Variants in SMARCA4 observed in about 807,000 individuals in gnomAD.
The protein encoded by SMARCA4 is SWI/SNF related BAF chromatin remodeling complex subunit ATPase 4.
In SMARCA4, 31 loss-of-function variants were observed where a neutral mutation model predicts 193.9. That is an observed-to-expected ratio of 0.16 (90% CI 0.12 to 0.22). SMARCA4 has a LOEUF of 0.22. Among genes scored for constraint, SMARCA4 ranks in the 10% least tolerant of loss-of-function variants. SMARCA4 has a pLI of 1.00. For missense variants in SMARCA4, 1,148 were observed against 2,296.0 expected (o/e 0.50, Z 10.22); for synonymous variants, 942 against 933.1 (o/e 1.01, Z -0.17).
rs2085955890 is a variant in SMARCA4, at chr19:10,985,593, G to A, written c.355+188G>A. Among the ~76,000 whole-genome samples the A allele has an allele frequency of 6.6e-6, 1 of 152,206 alleles. No homozygotes were observed. The highest frequency in any genetic ancestry group is 1.5e-5 in the Non-Finnish European group (1 of 68,040). ...TGCTCTGTTCTGGCCACCTCGTCTC[G>A]GAGCAGCCCTGGAAGGGGAAATGCT... On this transcript the variant is annotated intron_variant, in intron 3 of 34. Coordinates refer to ENST00000344626, the MANE Select transcript of SMARCA4 (RefSeq NM_003072.5). The surrounding 1 kb of genome is among the most constrained non-coding windows in gnomAD (Gnocchi z 4.5).
chr19:11,006,530 G>A (rs933367684), intron 13 of SMARCA4, among the ~76,000 whole-genome samples: 1 of 151,980 alleles, frequency 6.6e-6, no homozygotes. Flanking sequence ...TTGGGTGGAT[G>A]ATCCAAGGTC....
At position 11,003,412 on chromosome 19, in the gene SMARCA4, C is replaced by T. The variant is rs2146110407; in HGVS notation, c.2001+15C>T. Reference sequence around the variant, plus strand: ...AAGAGGAAGAGGTAAGAGTGCATTTCCTGGCTTTCAAGGCTCTCAGTGCCC... The same window carrying T: ...AAGAGGAAGAGGTAAGAGTGCATTTTCTGGCTTTCAAGGCTCTCAGTGCCC... On this transcript the variant is annotated intron_variant, in intron 13 of 34. Coordinates refer to ENST00000344626, the MANE Select transcript of SMARCA4 (RefSeq NM_003072.5). The T allele has an allele frequency of 6.2e-7, 1 of 1,612,264 alleles. No homozygotes were observed. The highest frequency in any genetic ancestry group is 8.5e-7 in the Non-Finnish European group (1 of 1,178,316).
intron 29 of SMARCA4, chr19:11,039,768 G>A (rs1386644325): frequency 5.5e-6 from 2 of 363,588 alleles, no homozygotes; most frequent in Admixed American, 4.7e-5. Context: ...GGGCAATGTA[G>A]CAAGACCACA....
chr19:10,968,143 G>A (rs1216242834), intron 1 of SMARCA4, among the ~76,000 whole-genome samples: 4 of 152,110 alleles, frequency 2.6e-5, no homozygotes, highest in Admixed American at 2.6e-4. Context: ...GAGCCACTGC[G>A]CCCGGCCAGT....
intron 24 of SMARCA4, among the ~76,000 whole-genome samples, chr19:11,029,517 G>A (rs1306122850): frequency 2.0e-5 from 3 of 152,250 alleles, no homozygotes; most frequent in African/African-American, 7.2e-5. Flanking sequence ...CTGGGAGCCG[G>A]GTGGCCCCTC....
At chr19:11,009,211 G>C (rs996887776) in intron 14 of SMARCA4, among the ~76,000 whole-genome samples, 1 of 151,298 alleles carries the variant, frequency 6.6e-6, no homozygotes, top group Admixed American at 6.6e-5. Flanking sequence ...TAGTAGAGAT[G>C]GGGTTTCACC....
intron 30 of SMARCA4, among the ~76,000 whole-genome samples, chr19:11,057,759 A>G (rs761151006): frequency 7.9e-5 from 12 of 152,026 alleles, no homozygotes; most frequent in Non-Finnish European, 1.6e-4. Context: ...AATGTATCAC[A>G]GGCCTGTTTG....
intron 1 of SMARCA4, among the ~76,000 whole-genome samples, chr19:10,971,038 A>T (rs1185333886): frequency 1.3e-5 from 2 of 152,132 alleles, no homozygotes; most frequent in African/African-American, 4.8e-5. Context: ...GTCTACTAAA[A>T]ATACAAAATT....
At chr19:10,995,251 G>A (rs1370852896) in intron 9 of SMARCA4, 1 of 640,008 alleles carries the variant, frequency 1.6e-6, no homozygotes, top group African/African-American at 1.8e-5. Flanking sequence ...CTGGAAAATG[G>A]AGGTGGTGCC....
At chr19:11,057,339 C>G (rs574560970) in intron 30 of SMARCA4, among the ~76,000 whole-genome samples, 1 of 152,338 alleles carries the variant, frequency 6.6e-6, no homozygotes, top group South Asian at 2.1e-4. Context: ...CGAGGCCTGG[C>G]AGCATCTCAT....
At position 10,984,651 on chromosome 19, in the gene SMARCA4, C is replaced by T. The variant is rs1178224150; in HGVS notation, c.222+278C>T. Among the ~76,000 whole-genome samples, 3 of 152,270 alleles carry T rather than the reference C, an allele frequency of 2.0e-5. No homozygotes were observed. Among genetic ancestry groups the T allele is most frequent in the African/African-American group, 7.2e-5 (3 of 41,476 alleles). ...CTGCATGTGAAATTTGGGAATATCA[C>T]TACAAAGTTTTCTTTTGGTAATGAA... On this transcript the variant is annotated intron_variant, in intron 2 of 34. Transcript: ENST00000344626. This position sits in a 1 kb window ranked among gnomAD's most constrained non-coding sequence, Gnocchi z 4.3.
rs2145779824 is a variant in SMARCA4 at position 10,986,430 on chromosome 19, C to A, written c.597C>A (p.His199Gln). 6.4e-7 allele frequency: 1 copy of A among 1,573,268 alleles called. No homozygotes were observed. The highest frequency in any genetic ancestry group is 8.6e-7 in the Non-Finnish European group (1 of 1,160,000). Residue 199 changes from histidine (H) to glutamine (Q), a missense_variant, in exon 4 of 35, where the codon CAC becomes CAA. Coordinates refer to ENST00000344626, the MANE Select transcript of SMARCA4 (RefSeq NM_003072.5). The surrounding 1 kb of genome is among the most constrained non-coding windows in gnomAD (Gnocchi z 6.7). ...CCAGGGGGCAGCCCCTCCCCGACCACCTGCAGATGGCGGTGCAGGGCAAGC... is the reference window on the plus strand; with the variant it reads ...CCAGGGGGCAGCCCCTCCCCGACCAACTGCAGATGGCGGTGCAGGGCAAGC... ...MLARGQPLPD[H>Q]LQMAVQGKRP... is the part of the protein sequence containing the mutation.
chr19:11,004,578 C>G (rs977856869), intron 13 of SMARCA4, among the ~76,000 whole-genome samples: 2 of 152,156 alleles, frequency 1.3e-5, no homozygotes, highest in Admixed American at 1.3e-4. Context: ...CTCTAACCCT[C>G]TTATGATTAT....
At chr19:11,061,369 G>A (rs143754815) in intron 34 of SMARCA4, among the ~76,000 whole-genome samples, 7 of 151,536 alleles carry the variant, frequency 4.6e-5, no homozygotes, top group African/African-American at 1.2e-4. Flanking sequence ...CGAAGGTCCC[G>A]AGAGGGCCGA....
intron 7 of SMARCA4, 74 bp downstream of exon 7, chr19:10,989,517 G>T (rs1368199377): frequency 6.4e-7 from 1 of 1,557,302 alleles, no homozygotes. Context: ...CTCCAAATAC[G>T]GCTTGCCTGG....
chr19:11,034,333 C>G lies in SMARCA4; in HGVS notation c.3951+133C>G, dbSNP rs1460094104. Reference sequence around the variant, plus strand: ...GCCAGGGACAGCTCACAGTGCAGCCCACTCCCACCTCCAGACTGACCCGTC... The same window carrying G: ...GCCAGGGACAGCTCACAGTGCAGCCGACTCCCACCTCCAGACTGACCCGTC... On this transcript the variant is annotated intron_variant, in intron 28 of 34. Coordinates refer to ENST00000344626, the MANE Select transcript of SMARCA4 (RefSeq NM_003072.5). This position sits in a 1 kb window ranked among gnomAD's most constrained non-coding sequence, Gnocchi z 7.0. The G allele has an allele frequency of 4.0e-5, 30 of 747,284 alleles. No individual in the cohort carries two copies. Among genetic ancestry groups the G allele is most frequent in the Non-Finnish European group, 9.5e-6 (4 of 420,406 alleles). The allele number at this position is 747,284 out of a possible 1,614,324, so 46.3% of individuals were successfully genotyped here.
In SMARCA4 at chr19:11,010,543, G is replaced by A. The variant is rs1405144617; in HGVS notation, c.2274+12G>A. 1 of 1,612,662 alleles carries A rather than the reference G, an allele frequency of 6.2e-7. No individual in the cohort carries two copies. Among genetic ancestry groups the A allele is most frequent in the African/African-American group, 1.3e-5 (1 of 74,880 alleles). Reference sequence around the variant, plus strand: ...TCAAACAGTACCAGGTGAGGTAGGGGGTGGGGAGGCCACCGCCACGTAGCT... The same window carrying A: ...TCAAACAGTACCAGGTGAGGTAGGGAGTGGGGAGGCCACCGCCACGTAGCT... On this transcript the variant is annotated intron_variant, in intron 15 of 34. Coordinates refer to ENST00000344626, the MANE Select transcript of SMARCA4 (RefSeq NM_003072.5).
chr19:11,048,077 C>T (rs755259267), intron 30 of SMARCA4, among the ~76,000 whole-genome samples: 2 of 152,274 alleles, frequency 1.3e-5, no homozygotes, highest in East Asian at 1.9e-4. Flanking sequence ...TCATGTCACT[C>T]GGCCCTTCCT....
Position 10,991,224 on chromosome 19 carries a change from G to A in SMARCA4, c.1320G>A (p.Lys440=), listed in dbSNP as rs776431136. 2.5e-6 allele frequency: 4 copies of A among 1,613,852 alleles called. No homozygotes were observed. Among genetic ancestry groups the A allele is most frequent in the Middle Eastern group, 1.7e-4 (1 of 6,056 alleles). ...LETALNAKAY[K]RSKRQSLREA... ...CAGCCCTCAATGCTAAGGCCTACAA[G>A]CGCAGCAAGCGCCAGTCCCTGCGCG... Residue 440 remains lysine (K), a synonymous_variant, in exon 8 of 35, where the codon AAG becomes AAA. Transcript: ENST00000344626.
Sources: allele counts gnomAD v4.1 joint callset (sites outside exome capture counted in the v4.1 genomes callset), GRCh38; gene constraint gnomAD v4.1.1; non-coding constraint Gnocchi (gnomAD v3.1); transcripts MANE v1.5; gene names NCBI Gene and HGNC (gene_info 2026-07-23, HGNC 2026-07-21).